The following ASIC2 variants were observed in gnomAD, a reference collection of about 807,000 sequenced individuals.
The protein encoded by ASIC2 is acid sensing ion channel subunit 2.
ASIC2 carries 25 observed loss-of-function variants against 57.3 expected under a neutral mutation model. The observed-to-expected ratio is 0.44, with a 90% CI of 0.32 to 0.61. ASIC2 has a LOEUF of 0.61. Among genes scored for constraint, ASIC2 ranks in the 20% least tolerant of loss-of-function variants. ASIC2 has a pLI of 0.06. For synonymous variants in ASIC2, 319 were observed against 307.5 expected, an observed-to-expected ratio of 1.04 and a Z score of -0.39; for missense variants, 641 against 738.1, an observed-to-expected ratio of 0.87 and a Z score of 1.52.
At chr17:33,383,289 G>C (rs374004522) in intron 1 of ASIC2, among the ~76,000 whole-genome samples, 54 of 152,302 alleles carry the variant, frequency 3.5e-4, no homozygotes, top group African/African-American at 1.3e-3. Context: ...GTGAGGCCAT[G>C]TTGGGATTGC....
intron 1 of ASIC2, among the ~76,000 whole-genome samples, chr17:33,920,461 A>G (rs1164191180): frequency 1.3e-5 from 2 of 152,202 alleles, no homozygotes; most frequent in Non-Finnish European, 2.9e-5. Flanking sequence ...TAGGAACAGA[A>G]AACCAAATAC....
intron 1 of ASIC2, among the ~76,000 whole-genome samples, chr17:33,285,951 T>C (rs1198429173): frequency 6.6e-6 from 1 of 152,222 alleles, no homozygotes; most frequent in African/African-American, 2.4e-5. Context: ...TGGAAATAGC[T>C]CACATTTCCT....
At chr17:34,013,359 C>A (rs920761988) in intron 1 of ASIC2, among the ~76,000 whole-genome samples, 1 of 152,146 alleles carries the variant, frequency 6.6e-6, no homozygotes, top group Non-Finnish European at 1.5e-5. Flanking sequence ...AGGCCCACCC[C>A]CTTCCAGGTC....
In ASIC2 at chr17:33,211,695, C is replaced by T. The variant is rs530791451; in HGVS notation, c.708+79713G>A. On this transcript the variant is annotated intron_variant, in intron 1 of 9. Transcript: ENST00000225823. Reference sequence around the variant, plus strand: ...TCACCACAGATCAGCAGTTTGCCTCCTCCATTACCAGCTAATCCAGATGGA... The same window carrying T: ...TCACCACAGATCAGCAGTTTGCCTCTTCCATTACCAGCTAATCCAGATGGA... Among the ~76,000 whole-genome samples the T allele has an allele frequency of 2.6e-5, 4 of 152,288 alleles. No individual in the cohort carries two copies. The South Asian group carries it at 8.3e-4, about 32-fold the overall frequency.
intron 3 of ASIC2, 90 bp downstream of exon 3, chr17:33,088,773 C>T (rs946975718): frequency 9.0e-6 from 13 of 1,451,826 alleles, no homozygotes; most frequent in African/African-American, 7.2e-5. Context: ...AGCCCTTGAC[C>T]GAGTGGGAAT....
chr17:34,051,743 GGTAAA>G (rs1279219833), intron 1 of ASIC2: 2 of 151,596 alleles, frequency 1.3e-5, no homozygotes, highest in African/African-American at 4.9e-5. Context: ...CAAGCTGAAA[GGTAAA>G]GAGAGAAAAA....
At chr17:33,523,034 A>G (rs1046610993) in intron 1 of ASIC2, among the ~76,000 whole-genome samples, 5 of 152,208 alleles carry the variant, frequency 3.3e-5, no homozygotes, top group African/African-American at 1.2e-4. Flanking sequence ...AAGTGTCAGG[A>G]CACCCATCTT....
At chr17:33,212,722 G>A (rs914207665) in intron 1 of ASIC2, among the ~76,000 whole-genome samples, 2 of 152,198 alleles carry the variant, frequency 1.3e-5, no homozygotes, top group Admixed American at 6.5e-5. Flanking sequence ...CTAAGCACAG[G>A]AGGTCTGAGC....
chr17:34,133,407 C>T (rs1424625784), intron 1 of ASIC2, among the ~76,000 whole-genome samples: 1 of 152,216 alleles, frequency 6.6e-6, no homozygotes, highest in African/African-American at 2.4e-5. Context: ...CCTGGGAATC[C>T]CTCATGCTCT....
At chr17:33,589,780 A>G (rs1159347222) in intron 1 of ASIC2, among the ~76,000 whole-genome samples, 1 of 152,200 alleles carries the variant, frequency 6.6e-6, no homozygotes, top group Non-Finnish European at 1.5e-5. Context: ...CTGTTGATAG[A>G]CACTTGGGTT....
At chr17:33,881,600 T>A (rs1044093973) in intron 1 of ASIC2, among the ~76,000 whole-genome samples, 3 of 151,932 alleles carry the variant, frequency 2.0e-5, no homozygotes, top group African/African-American at 4.8e-5. Flanking sequence ...CACTGCTCAA[T>A]GAAATAAAAG....
At chr17:33,132,641 G>A (rs370687471) in intron 1 of ASIC2, among the ~76,000 whole-genome samples, 1 of 152,314 alleles carries the variant, frequency 6.6e-6, no homozygotes, top group Middle Eastern at 3.4e-3. Flanking sequence ...CTCTGGTAGA[G>A]TCCAATTTCC....
chr17:33,600,648 T>G (rs1313924515), intron 1 of ASIC2, among the ~76,000 whole-genome samples: 4 of 152,174 alleles, frequency 2.6e-5, no homozygotes, highest in Admixed American at 6.5e-5. Context: ...AATCAGACCT[T>G]GGTGATGACC....
chr17:33,185,746 C>T (rs1173174362), intron 1 of ASIC2, among the ~76,000 whole-genome samples: 1 of 152,160 alleles, frequency 6.6e-6, no homozygotes, highest in Non-Finnish European at 1.5e-5. Context: ...ACCACTAAGG[C>T]CGAGGGAAGA....
chr17:33,386,789 C>CGTG (rs1909696970), intron 1 of ASIC2, among the ~76,000 whole-genome samples: 3 of 152,042 alleles, frequency 2.0e-5, no homozygotes, highest in Admixed American at 2.0e-4. Context: ...TCATTTACTG[C>CGTG]ATGACTCGCA....
intron 1 of ASIC2, among the ~76,000 whole-genome samples, chr17:34,044,438 C>T (rs999822203): frequency 1.1e-4 from 17 of 152,200 alleles, no homozygotes; most frequent in Admixed American, 7.2e-4. Context: ...AAATAGGATG[C>T]GGCTGTGGTT....
chr17:33,548,879 C>A (rs544596150), intron 1 of ASIC2, among the ~76,000 whole-genome samples: 1 of 152,210 alleles, frequency 6.6e-6, no homozygotes, highest in South Asian at 2.1e-4. Flanking sequence ...CCGTCATTCA[C>A]AACTTAGTTC....
intron 1 of ASIC2, among the ~76,000 whole-genome samples, chr17:33,871,253 C>A (rs543251913): frequency 1.3e-5 from 2 of 152,122 alleles, no homozygotes; most frequent in African/African-American, 2.4e-5. Flanking sequence ...CATCACAGGG[C>A]GGAGGGAGAA....
intron 1 of ASIC2, among the ~76,000 whole-genome samples, chr17:33,349,717 C>T (rs1358648262): frequency 6.6e-6 from 1 of 152,146 alleles, no homozygotes; most frequent in Non-Finnish European, 1.5e-5. Flanking sequence ...AATGATTTTT[C>T]TAGCAGGAAA....
Sources: gnomAD v4.1 joint callset for allele counts (sites outside exome capture counted in the v4.1 genomes callset) on GRCh38, gnomAD v4.1.1 for gene constraint, MANE v1.5 for transcripts, NCBI Gene and HGNC (gene_info 2026-07-23, HGNC 2026-07-21) for gene names.